PLXNA4: variants seen among roughly 807,000 people sequenced by gnomAD.
The protein encoded by PLXNA4 is plexin A4, also known as plexin-A4.
PLXNA4 carries 44 observed loss-of-function variants against 191.8 expected under a neutral mutation model. The observed-to-expected ratio is 0.23, with a 90% CI of 0.18 to 0.29. PLXNA4 has a LOEUF of 0.29. Ranked by LOEUF, PLXNA4 falls within the 10% of genes least tolerant of loss-of-function variation. The probability of loss-of-function intolerance (pLI) is 1.00; values close to 1 mark genes in which losing one functional copy is unlikely to be tolerated. For missense variants in PLXNA4, 1,800 were observed against 2,488.8 expected (o/e 0.72, Z 5.89); for synonymous variants, 1,082 against 1,009.5 (o/e 1.07, Z -1.36).
rs1796899458 is a variant in PLXNA4, at chr7:132,470,659, TG to T, written c.1371+18632del. Among the ~76,000 whole-genome samples the T allele has an allele frequency of 4.6e-5, 7 of 152,274 alleles. 2 individuals carry two copies. In the South Asian group the frequency reaches 1.5e-3, roughly 32 times the overall value. ...TCCAGGTAGGCACACTCATATCACA[TG>T]AGTCCTTAAAAGCAGAGAACTTTTC... On this transcript the variant is annotated intron_variant, in intron 3 of 31. Coordinates refer to ENST00000321063, the MANE Select transcript of PLXNA4 (RefSeq NM_020911.2).
chr7:132,130,463 C>T lies in PLXNA4; in HGVS notation c.*16G>A, dbSNP rs1042852093. 68 of 1,613,936 alleles carry T rather than the reference C, an allele frequency of 4.2e-5. No homozygotes were observed. Among genetic ancestry groups the T allele is most frequent in the Non-Finnish European group, 5.8e-5 (68 of 1,179,978 alleles). ...TTGGTGTGTCCCCCTCCAGGGCGGCCCTGGAAGGACGGTTCTCAGCTGTCT... is the reference window on the plus strand; with the variant it reads ...TTGGTGTGTCCCCCTCCAGGGCGGCTCTGGAAGGACGGTTCTCAGCTGTCT... On this transcript the variant is annotated 3_prime_UTR_variant, in exon 32 of 32. Coordinates refer to ENST00000321063, the MANE Select transcript of PLXNA4 (RefSeq NM_020911.2).
At position 132,304,230 on chromosome 7, in the gene PLXNA4, GGA is replaced by G. The variant is rs756556740; in HGVS notation, c.1372-6010_1372-6009del. Among the ~76,000 whole-genome samples, 274 of 152,184 alleles carry G rather than the reference GGA, an allele frequency of 1.8e-3. 1 individual carries two copies. The highest frequency in any genetic ancestry group is 5.9e-3 in the African/African-American group (245 of 41,538). On this transcript the variant is annotated intron_variant, in intron 3 of 31. Coordinates refer to ENST00000321063, the MANE Select transcript of PLXNA4 (RefSeq NM_020911.2). Reference sequence around the variant, plus strand: ...TCATCTTCCTGCAGCATCATCTTGAGGAGAGAGAGAGACTAGAGAAGATCAGA... The same window carrying G: ...TCATCTTCCTGCAGCATCATCTTGAGGAGAGAGAGACTAGAGAAGATCAGA...
At chr7:132,272,720 C>T (rs907695542) in intron 4 of PLXNA4, among the ~76,000 whole-genome samples, 23 of 152,118 alleles carry the variant, frequency 1.5e-4, no homozygotes, top group African/African-American at 5.3e-4. Flanking sequence ...TTATAGCTTC[C>T]CTTAAGACAC....
intron 3 of PLXNA4, among the ~76,000 whole-genome samples, chr7:132,389,494 A>C (rs1325922401): frequency 6.6e-6 from 1 of 152,192 alleles, no homozygotes; most frequent in African/African-American, 2.4e-5. Flanking sequence ...ATGGCTAGCC[A>C]GTTTTCCCAA....
chr7:132,450,813 A>G (rs1022999407), intron 3 of PLXNA4, among the ~76,000 whole-genome samples: 2 of 152,092 alleles, frequency 1.3e-5, no homozygotes, highest in Non-Finnish European at 2.9e-5. Flanking sequence ...ATGAGGGAGC[A>G]CTCTGTCCCA....
intron 2 of PLXNA4, among the ~76,000 whole-genome samples, chr7:132,489,792 TCCTCACGTGGAAAAG>T (rs571308810): frequency 1.1e-3 from 174 of 152,154 alleles, no homozygotes; most frequent in Non-Finnish European, 2.0e-3. Flanking sequence ...ATCATCATCA[TCCTCACGTGGAAAAG>T]CCTCACGTGG....
intron 3 of PLXNA4, among the ~76,000 whole-genome samples, chr7:132,375,384 G>T (rs1453935321): frequency 6.6e-6 from 1 of 152,040 alleles, no homozygotes; most frequent in African/African-American, 2.4e-5. Flanking sequence ...CCCCCAAGAG[G>T]TAGAAAAGGC....
intron 3 of PLXNA4, among the ~76,000 whole-genome samples, chr7:132,469,604 AAAGC>A (rs1344689940): frequency 6.6e-6 from 1 of 152,226 alleles, no homozygotes; most frequent in Non-Finnish European, 1.5e-5. Flanking sequence ...GATGCTTTGC[AAAGC>A]CAAGCAGAGA....
At chr7:132,151,329 GAA>G (rs1562884964) in intron 25 of PLXNA4, among the ~76,000 whole-genome samples, 10 of 45,554 alleles carry the variant, frequency 2.2e-4, no homozygotes, top group African/African-American at 4.1e-4. Context: ...GGAGGAGGAA[GAA>G]GAAGGAGGAG....
In PLXNA4 at chr7:132,138,548, C is replaced by A. The variant is rs549531674; in HGVS notation, c.5438+2051G>T. On this transcript the variant is annotated intron_variant, in intron 30 of 31. Transcript: ENST00000321063. ...AGAAGAACTCTGGGCTTGACCTCAG[C>A]CCTGTCTGTGCTGTTTTCTCGATCT... Among the ~76,000 whole-genome samples the A allele has an allele frequency of 5.3e-5, 8 of 152,322 alleles. No homozygotes were observed. In the South Asian group the frequency reaches 1.5e-3, roughly 28 times the overall value.
chr7:132,604,459 C>T lies in PLXNA4; in HGVS notation c.-87+41469G>A, dbSNP rs1364164574. Among the ~76,000 whole-genome samples, 6 of 152,190 alleles carry T rather than the reference C, an allele frequency of 3.9e-5. 1 individual carries two copies. The highest frequency in any genetic ancestry group is 3.9e-4 in the Admixed American group (6 of 15,280). On this transcript the variant is annotated intron_variant, in intron 2 of 4. Coordinates refer to the PLXNA4 transcript ENST00000378539. ...TCCATGAAACTCATACCCTTGCATC[C>T]TCAAAATAAGGTTCTCTGTCTCGTG...
At chr7:132,529,434 T>C (rs1563154157) in intron 1 of PLXNA4, among the ~76,000 whole-genome samples, 1 of 152,182 alleles carries the variant, frequency 6.6e-6, no homozygotes, top group Non-Finnish European at 1.5e-5. Context: ...ACAGAAATCA[T>C]GGAATTTGGG....
chr7:132,603,416 G>T (rs1399003828), intron 2 of PLXNA4, among the ~76,000 whole-genome samples: 1 of 152,156 alleles, frequency 6.6e-6, no homozygotes, highest in African/African-American at 2.4e-5. Flanking sequence ...GCAGCCCTGA[G>T]TTGCAGATAA....
In PLXNA4 at chr7:132,218,603, A is replaced by T. The variant is rs1477327291; in HGVS notation, c.2097+4924T>A. Among the ~76,000 whole-genome samples the T allele has an allele frequency of 2.6e-5, 4 of 152,312 alleles. No homozygotes were observed. In the East Asian group the frequency reaches 5.8e-4, roughly 22 times the overall value. ...CTTTGTTCCTCAAGCATCATCTTTA[A>T]GTGTGAATGCCTGATGGGAGGTCCA... On this transcript the variant is annotated intron_variant, in intron 9 of 31. Coordinates refer to ENST00000321063, the MANE Select transcript of PLXNA4 (RefSeq NM_020911.2).
chr7:132,187,095 T>G (rs2116774939), intron 15 of PLXNA4, among the ~76,000 whole-genome samples: 1 of 152,150 alleles, frequency 6.6e-6, no homozygotes, highest in South Asian at 2.1e-4. Flanking sequence ...ACCCAGGAAC[T>G]GAAGACAGCA....
intron 4 of PLXNA4, among the ~76,000 whole-genome samples, chr7:132,290,107 A>C (rs1800831143): frequency 6.6e-6 from 1 of 152,250 alleles, no homozygotes; most frequent in Admixed American, 6.5e-5. Context: ...CCGGCAGCTC[A>C]GAAGGACAGG....
intron 2 of PLXNA4, among the ~76,000 whole-genome samples, chr7:132,629,521 T>C (rs1157393105): frequency 6.6e-6 from 1 of 152,242 alleles, no homozygotes; most frequent in East Asian, 1.9e-4. Context: ...CTGACCTGCA[T>C]ATTTTTTAAC....
rs1290896158 is a variant in PLXNA4, at chr7:132,647,475, TCA to T, written c.-203+1037_-203+1038del. ...CTTACATACACAGTCACACATATACTCACATGTATATTCATGAACACACACTT... is the reference window on the plus strand; with the variant it reads ...CTTACATACACAGTCACACATATACTCATGTATATTCATGAACACACACTT... On this transcript the variant is annotated intron_variant, in intron 1 of 4. Transcript: ENST00000378539. 5.3e-5 allele frequency among the ~76,000 whole-genome samples: 8 copies of T among 150,908 alleles called. No homozygotes were observed. In the South Asian group the frequency reaches 1.7e-3, roughly 32 times the overall value.
At position 132,320,113 on chromosome 7, in the gene PLXNA4, A is replaced by G. The variant is rs551600214; in HGVS notation, c.1372-21891T>C. Reference sequence around the variant, plus strand: ...AGTGGTCATACTGGGCGCTTTTAAGATGGCAACACAAACAAACTCTGAAAA... The same window carrying G: ...AGTGGTCATACTGGGCGCTTTTAAGGTGGCAACACAAACAAACTCTGAAAA... On this transcript the variant is annotated intron_variant, in intron 3 of 31. Coordinates refer to ENST00000321063, the MANE Select transcript of PLXNA4 (RefSeq NM_020911.2). 1.1e-4 allele frequency among the ~76,000 whole-genome samples: 16 copies of G among 152,348 alleles called. 1 individual carries two copies. In the South Asian group the frequency reaches 3.3e-3, roughly 32 times the overall value.
Sources: allele counts gnomAD v4.1 joint callset (sites outside exome capture counted in the v4.1 genomes callset), GRCh38; gene constraint gnomAD v4.1.1; transcripts MANE v1.5; gene names NCBI Gene and HGNC (gene_info 2026-07-23, HGNC 2026-07-21).